Variants in KDM8 observed in about 807,000 individuals in gnomAD.
KDM8 encodes the protein lysine demethylase 8.
KDM8 carries 35 observed loss-of-function variants against 46.9 expected under a neutral mutation model. That is an observed-to-expected ratio of 0.75 (90% CI 0.57 to 0.99). The LOEUF is 0.99. KDM8 is among the 50% of genes least tolerant of loss of function. KDM8 has a pLI of 0.00. For synonymous variants in KDM8, 232 were observed against 227.7 expected, an observed-to-expected ratio of 1.02 and a Z score of -0.17; for missense variants, 475 against 537.0, an observed-to-expected ratio of 0.88 and a Z score of 1.14.
intron 1 of KDM8, chr16:27,206,237 CTGTT>C (rs2083426960): frequency 4.1e-6 from 4 of 982,728 alleles, no homozygotes; most frequent in Non-Finnish European, 4.8e-6. Flanking sequence ...CTTTGGAAGC[CTGTT>C]TGTTTAATGT....
intron 1 of KDM8, chr16:27,204,356 C>G (rs946936461): frequency 7.4e-7 from 1 of 1,346,144 alleles, no homozygotes; most frequent in Non-Finnish European, 9.5e-7. Flanking sequence ...GCCACACGGA[C>G]GACCCAAACA....
intron 6 of KDM8, 86 bp from the exon 7 acceptor site, chr16:27,220,307 C>A: frequency 9.3e-7 from 1 of 1,075,504 alleles, no homozygotes; most frequent in Non-Finnish European, 1.4e-6. Context: ...CAGGGAGCAG[C>A]ATGTGGAAGG....
intron 2 of KDM8, chr16:27,211,140 GC>G: frequency 2.0e-5 from 3 of 149,510 alleles, no homozygotes; most frequent in Admixed American, 8.7e-5. Flanking sequence ...TTTTTTTTTT[GC>G]AAAGGCAGCG....
intron 1 of KDM8, among the ~76,000 whole-genome samples, chr16:27,208,219 A>G (rs1463130856): frequency 6.6e-6 from 1 of 152,242 alleles, no homozygotes; most frequent in Non-Finnish European, 1.5e-5. Flanking sequence ...GCAAAGTAGC[A>G]GATAGGCCGC....
chr16:27,213,597 G>C lies in KDM8; in HGVS notation c.511G>C (p.Asp171His). Residue 171 changes from aspartate to histidine, a missense_variant, in exon 3 of 8, where the codon GAC becomes CAC. By Grantham distance (81) the Asp-to-His change is moderately conservative. Transcript: ENST00000286096. ...TGATTTTAAACAGAAAGCAAGGGCG[G>C]ACCATGGTTTGATTCCAGATGTGAA... ...EQPCTKKARADHGLIPDVKLE... is the reference protein window; with the variant it reads ...EQPCTKKARAHHGLIPDVKLE... 6.2e-7 allele frequency: 1 copy of C among 1,614,098 alleles called. No homozygotes were observed. Among genetic ancestry groups the C allele is most frequent in the Admixed American group, 1.7e-5 (1 of 60,010 alleles).
In KDM8 at chr16:27,220,427, C is replaced by T. The variant is rs763946062; in HGVS notation, c.1028C>T (p.Pro343Leu). 67 of 1,613,950 alleles carry T rather than the reference C, an allele frequency of 4.2e-5. No homozygotes were observed. The highest frequency in any genetic ancestry group is 7.7e-5 in the South Asian group (7 of 91,078). ...MGRKYIRLYS[P>L]QESGALYPHD... ...AGGAAGTACATCCGGCTGTATTCCC[C>T]GCAGGAGTCAGGGGCTCTGTACCCT... Residue 343 changes from proline (P) to leucine (L), a missense_variant, in exon 7 of 8, where the codon CCG becomes CTG. Coordinates refer to ENST00000286096, the MANE Select transcript of KDM8 (RefSeq NM_024773.3).
At chr16:27,208,812 A>G (rs1322516722) in intron 1 of KDM8, among the ~76,000 whole-genome samples, 5 of 152,196 alleles carry the variant, frequency 3.3e-5, no homozygotes, top group African/African-American at 7.2e-5. Context: ...GAATGAGGCC[A>G]ACACAAGCCT....
At chr16:27,205,121 T>G (rs1432089456) in intron 1 of KDM8, among the ~76,000 whole-genome samples, 3 of 152,230 alleles carry the variant, frequency 2.0e-5, no homozygotes, top group Admixed American at 1.3e-4. Flanking sequence ...GGACCTACTT[T>G]GCCAGTTTGC....
intron 1 of KDM8, among the ~76,000 whole-genome samples, chr16:27,205,182 A>G (rs924223193): frequency 3.9e-5 from 6 of 152,210 alleles, no homozygotes; most frequent in Non-Finnish European, 5.9e-5. Flanking sequence ...GCCTGAGTCT[A>G]TTCCGGCTGT....
chr16:27,219,974 G>A (rs2083599090), intron 6 of KDM8, among the ~76,000 whole-genome samples: 1 of 152,174 alleles, frequency 6.6e-6, no homozygotes, highest in African/African-American at 2.4e-5. Flanking sequence ...CAGCACTTTG[G>A]GAGACCGAGT....
chr16:27,205,936 G>A (rs973817992), intron 1 of KDM8, among the ~76,000 whole-genome samples: 2 of 152,188 alleles, frequency 1.3e-5, no homozygotes, highest in Non-Finnish European at 2.9e-5. Context: ...GTGAAGATAC[G>A]AGGCCACTCA....
chr16:27,221,597 ACT>A lies in KDM8; in HGVS notation c.*871_*872del, dbSNP rs1458484016. 2 of 151,990 alleles carry A rather than the reference ACT, an allele frequency of 1.3e-5. No individual in the cohort carries two copies. Among genetic ancestry groups the A allele is most frequent in the East Asian group, 1.9e-4 (1 of 5,170 alleles). 9.4% of individuals were successfully genotyped at this position (151,990 alleles called of 1,614,324 possible). ...TAGTCACCATCCCCCAGAAGTAATG[ACT>A]CTCAAACCTGGGGGATTTGAGGCCA... On this transcript the variant is annotated 3_prime_UTR_variant, in exon 8 of 8. Transcript: ENST00000286096.
At chr16:27,212,733 CAATA>C (rs990094058) in intron 2 of KDM8, among the ~76,000 whole-genome samples, 9 of 152,064 alleles carry the variant, frequency 5.9e-5, no homozygotes, top group Non-Finnish European at 8.8e-5. Context: ...GACTCGGTCT[CAATA>C]AATAAATAAA....
At chr16:27,216,194 G>A (rs1567265650) in intron 5 of KDM8, 2 of 604,788 alleles carry the variant, frequency 3.3e-6, no homozygotes, top group Non-Finnish European at 5.9e-6. Context: ...CCCGAGGATT[G>A]TAGGGGCTGC....
rs746808182 is a variant in KDM8 at position 27,215,971 on chromosome 16, G to A, written c.825G>A (p.Gln275=). ...CAAGGGACGTCGGGTACCTTGCTCA[G>A]CACCAGCTCTTTGACCAGGTAAGTC... The part of the protein sequence containing the change: ...NEPRDVGYLA[Q]HQLFDQIPEL... The change falls in exon 5 of 8, where the codon CAG becomes CAA. Residue 275 remains glutamine (Q), a synonymous_variant. Transcript: ENST00000286096. 11 of 1,614,098 alleles carry A rather than the reference G, an allele frequency of 6.8e-6. No individual in the cohort carries two copies. The East Asian group carries it at 2.2e-4, about 33-fold the overall frequency.
chr16:27,214,796 G>T (rs1007766413), intron 3 of KDM8, 80 bp from the exon 4 acceptor site: 143 of 1,516,730 alleles, frequency 9.4e-5, no homozygotes, highest in Non-Finnish European at 1.3e-4. Flanking sequence ...AGGATGAAAG[G>T]GGACCACATG....
chr16:27,213,411 T>G lies in KDM8; in HGVS notation c.499-174T>G, dbSNP rs76675793. 7.9e-3 allele frequency: 4,687 copies of G among 592,682 alleles called. 173 individuals are homozygous for G. Among genetic ancestry groups the G allele is most frequent in the African/African-American group, 0.073 (3,908 of 53,518 alleles). 36.7% of individuals were successfully genotyped at this position (592,682 alleles called of 1,614,324 possible). A position where few individuals can be genotyped will look rare whatever the true frequency, so the allele number is the denominator to read the frequency against. On this transcript the variant is annotated intron_variant, in intron 2 of 7. Transcript: ENST00000286096. ...GGTTAAGAAAAAAACCACCTTGATC[T>G]CATGAGGAGCAAATAGTAATAGTAG...
intron 4 of KDM8, among the ~76,000 whole-genome samples, chr16:27,215,243 G>A (rs984903166): frequency 6.6e-6 from 1 of 152,098 alleles, no homozygotes; most frequent in Non-Finnish European, 1.5e-5. Flanking sequence ...GTTTTAGCCT[G>A]TTCCAAAAGT....
intron 5 of KDM8, among the ~76,000 whole-genome samples, chr16:27,218,133 T>A (rs530557935): frequency 1.8e-4 from 28 of 151,814 alleles, no homozygotes; most frequent in African/African-American, 5.8e-4. Flanking sequence ...AAAAATAAAA[T>A]TAGCCAGGCA....
Sources: allele counts gnomAD v4.1 joint callset (sites outside exome capture counted in the v4.1 genomes callset), GRCh38; gene constraint gnomAD v4.1.1; transcripts MANE v1.5; gene names NCBI Gene and HGNC (gene_info 2026-07-23, HGNC 2026-07-21).